Variants in SLX9 observed in about 807,000 individuals in gnomAD.
SLX9 encodes ribosome biogenesis protein SLX9 homolog.
SLX9 carries 19 observed loss-of-function variants against 20.8 expected under a neutral mutation model. The observed-to-expected ratio is 0.91, with a 90% CI of 0.64 to 1.34. SLX9 has a LOEUF of 1.34. Among genes scored for constraint, SLX9 ranks in the 40% most tolerant of loss-of-function variants. SLX9 has a pLI of 0.00. For synonymous variants in SLX9, 113 were observed against 137.1 expected (o/e 0.82, Z 1.23); for missense variants, 299 against 322.2 (o/e 0.93, Z 0.55).
Position 44,945,326 on chromosome 21 carries a change from C to T in SLX9, c.283+1489C>T, listed in dbSNP as rs113686783. On this transcript the variant is annotated intron_variant, in intron 2 of 5. Coordinates refer to ENST00000291634, the MANE Select transcript of SLX9 (RefSeq NM_058190.4). ...GAACGCTTGATGTGGGTGGTCCGCC[C>T]GAGCTGTGTCCCTGGTTGCTGACAA... 9.0e-3 allele frequency among the ~76,000 whole-genome samples: 1,373 copies of T among 152,308 alleles called. 30 individuals are homozygous for T. The highest frequency in any genetic ancestry group is 0.031 in the African/African-American group (1,285 of 41,566).
At chr21:44,957,991 T>C (rs1245724905) in intron 2 of SLX9, among the ~76,000 whole-genome samples, 1 of 152,242 alleles carries the variant, frequency 6.6e-6, no homozygotes, top group African/African-American at 2.4e-5. Context: ...CGCAGCCGCC[T>C]CTGCCCTTCT....
intron 2 of SLX9, among the ~76,000 whole-genome samples, chr21:44,952,557 G>A (rs997549053): frequency 3.3e-5 from 5 of 152,258 alleles, no homozygotes; most frequent in African/African-American, 9.6e-5. Flanking sequence ...CCTCCCATGG[G>A]GGATGCTGTG....
intron 4 of SLX9, among the ~76,000 whole-genome samples, chr21:44,970,282 A>G (rs2085119376): frequency 6.6e-6 from 1 of 152,224 alleles, no homozygotes. Context: ...GTTGGTCTGG[A>G]CAGATGGATG....
chr21:44,965,751 G>A (rs192590294), intron 3 of SLX9, among the ~76,000 whole-genome samples: 46 of 152,186 alleles, frequency 3.0e-4, no homozygotes, highest in Non-Finnish European at 4.9e-4. Context: ...GCTGAGGTGC[G>A]GGCCTTTGTG....
chr21:44,959,775 C>T (rs2084921545), intron 2 of SLX9, among the ~76,000 whole-genome samples: 1 of 152,240 alleles, frequency 6.6e-6, no homozygotes, highest in Admixed American at 6.5e-5. Context: ...GGCTTCACTG[C>T]AATGACTGCC....
Position 44,967,271 on chromosome 21 carries a change from G to A in SLX9, c.500+90G>A, listed in dbSNP as rs954469085. 2.2e-5 allele frequency: 32 copies of A among 1,471,286 alleles called. 1 individual carries two copies. In the Middle Eastern group the frequency reaches 6.5e-4, roughly 30 times the overall value. The allele number at this position is 1,471,286 out of a possible 1,614,324, so 91.1% of individuals were successfully genotyped here. A position where few individuals can be genotyped will look rare whatever the true frequency, so the allele number is the denominator to read the frequency against. On this transcript the variant is annotated intron_variant, in intron 4 of 5. Coordinates refer to ENST00000291634, the MANE Select transcript of SLX9 (RefSeq NM_058190.4). Reference sequence around the variant, plus strand: ...GATATGAGTGGGAGCCACGGGCCACGGTGCTTCCTGAGCCTGCAGAGGCCG... The same window carrying A: ...GATATGAGTGGGAGCCACGGGCCACAGTGCTTCCTGAGCCTGCAGAGGCCG...
intron 2 of SLX9, among the ~76,000 whole-genome samples, chr21:44,946,419 A>T (rs895624269): frequency 2.7e-5 from 4 of 150,110 alleles, no homozygotes; most frequent in Non-Finnish European, 4.4e-5. Context: ...GCCCGCCTTG[A>T]GGGGCACGAG....
intron 2 of SLX9, among the ~76,000 whole-genome samples, chr21:44,949,709 G>A (rs770521939): frequency 3.3e-5 from 5 of 152,156 alleles, no homozygotes; most frequent in East Asian, 1.9e-4. Flanking sequence ...GTCTGCAGGC[G>A]TGTTGGACTG....
At chr21:44,968,825 C>G (rs2085088364) in intron 4 of SLX9, among the ~76,000 whole-genome samples, 1 of 149,136 alleles carries the variant, frequency 6.7e-6, no homozygotes, top group Non-Finnish European at 1.5e-5. Context: ...ACGATCTTGG[C>G]TCACTGCAAG....
chr21:44,968,060 G>A (rs1425721091), intron 4 of SLX9, among the ~76,000 whole-genome samples: 2 of 150,820 alleles, frequency 1.3e-5, no homozygotes, highest in South Asian at 2.1e-4. Flanking sequence ...CCAAGCCAGC[G>A]GGCCTGGGCC....
chr21:44,968,828 A>G (rs1489493703), intron 4 of SLX9, among the ~76,000 whole-genome samples: 1 of 143,532 alleles, frequency 7.0e-6, no homozygotes. Flanking sequence ...ATCTTGGCTC[A>G]CTGCAAGCTC....
intron 2 of SLX9, among the ~76,000 whole-genome samples, chr21:44,959,782 TG>T (rs2084921683): frequency 1.3e-5 from 2 of 152,240 alleles, no homozygotes; most frequent in African/African-American, 4.8e-5. Flanking sequence ...CTGCAATGAC[TG>T]CCCTGACAGT....
At chr21:44,970,631 A>G (rs1445918218) in intron 4 of SLX9, among the ~76,000 whole-genome samples, 2 of 152,184 alleles carry the variant, frequency 1.3e-5, no homozygotes, top group Non-Finnish European at 2.9e-5. Flanking sequence ...CCCGGCAGGC[A>G]GGTCTGCCCC....
intron 2 of SLX9, among the ~76,000 whole-genome samples, chr21:44,954,457 G>A (rs1477179483): frequency 1.3e-5 from 2 of 152,192 alleles, no homozygotes; most frequent in African/African-American, 2.4e-5. Context: ...GGGGCTGCCC[G>A]ATGCAGCACT....
At chr21:44,943,859 A>G (rs1290249037) in intron 2 of SLX9, 22 bp downstream of exon 2, 5 of 1,613,732 alleles carry the variant, frequency 3.1e-6, no homozygotes, top group Non-Finnish European at 4.2e-6. Context: ...TCGACGGGTT[A>G]CCATGCTGAT....
chr21:44,954,697 C>G (rs73378607), intron 2 of SLX9, among the ~76,000 whole-genome samples: 2 of 152,052 alleles, frequency 1.3e-5, no homozygotes, highest in Non-Finnish European at 2.9e-5. Context: ...ACCCCCCAGG[C>G]GCTCTTGGCT....
intron 2 of SLX9, among the ~76,000 whole-genome samples, chr21:44,951,169 C>A (rs906591817): frequency 6.6e-6 from 1 of 152,144 alleles, no homozygotes; most frequent in African/African-American, 2.4e-5. Flanking sequence ...GCCTGTGTCT[C>A]ATGGCCTGGC....
At chr21:44,952,520 G>A (rs2084777388) in intron 2 of SLX9, among the ~76,000 whole-genome samples, 1 of 152,172 alleles carries the variant, frequency 6.6e-6, no homozygotes, top group Admixed American at 6.5e-5. Flanking sequence ...TCCCCTGCAG[G>A]TCTGGCCCCA....
rs2123477272 is a variant in SLX9, at chr21:44,976,791, CGGCCAGCTCT to C, written c.683_692del (p.Gly228AspfsTer?). On this transcript the variant is annotated frameshift_variant and stop_lost, in exon 6 of 6. Coordinates refer to ENST00000291634, the MANE Select transcript of SLX9 (RefSeq NM_058190.4). LOFTEE classifies it high-confidence loss of function. ...CCCGGCAGATGCAGCTGGAAGATGG[CGGCCAGCTCT>C]GACCAGGGCAGCGGGCATGCCACAA... The C allele has an allele frequency of 6.5e-7, 1 of 1,544,842 alleles. No individual in the cohort carries two copies. The highest frequency in any genetic ancestry group is 2.4e-5 in the East Asian group (1 of 41,090).
Sources: gnomAD v4.1 joint callset for allele counts (sites outside exome capture counted in the v4.1 genomes callset) on GRCh38, gnomAD v4.1.1 for gene constraint, MANE v1.5 for transcripts, NCBI Gene and HGNC (gene_info 2026-07-23, HGNC 2026-07-21) for gene names.